The following ZNF394 variants were observed in gnomAD, a reference collection of about 807,000 sequenced individuals.
ZNF394 encodes the protein zinc finger protein 394, also known as zinc finger protein 99.
Under a neutral mutation model 21.8 loss-of-function variants are expected in ZNF394, and 19 were observed. The ratio of observed to expected loss-of-function variants is 0.87; its 90% CI spans 0.61 to 1.28. The LOEUF (loss-of-function observed/expected upper bound fraction) is 1.28, where lower values mean the gene tolerates loss of function less well. Ranked by LOEUF, ZNF394 falls within the 50% of genes most tolerant of loss-of-function variation. ZNF394 has a pLI of 0.00. For missense variants in ZNF394, 683 were observed against 708.6 expected, an observed-to-expected ratio of 0.96 and a Z score of 0.41; for synonymous variants, 294 against 273.3, an observed-to-expected ratio of 1.08 and a Z score of -0.75.
In ZNF394 at chr7:99,498,703, C is replaced by CA; in HGVS notation, c.583+12dup. On this transcript the variant is annotated intron_variant, in intron 2 of 2. Transcript: ENST00000337673. The stretch of plus-strand genomic sequence containing the variant: ...CACACACCGCAATAAACCAGCAGAG[C>CA]AACAGCACTCACTCGGCGGAACTGT... 6.2e-7 allele frequency: 1 copy of CA among 1,613,864 alleles called. No individual in the cohort carries two copies. The highest frequency in any genetic ancestry group is 1.7e-4 in the Middle Eastern group (1 of 6,060).
In ZNF394 at chr7:99,500,079, C is replaced by G. The variant is rs1333730472; in HGVS notation, c.15G>C (p.Leu5Phe). 2 of 1,560,958 alleles carry G rather than the reference C, an allele frequency of 1.3e-6. No homozygotes were observed. Among genetic ancestry groups the G allele is most frequent in the East Asian group, 2.2e-5 (1 of 44,510 alleles). MNSS[L>F]TAQRRGSDAE... ...CGTCACTGCCGCGCCTCTGGGCGGT[C>G]AAGCTGGAATTCATCTTTCTCCGGC... Residue 5 changes from leucine to phenylalanine, a missense_variant, in exon 1 of 3, where the codon TTG becomes TTC. Coordinates refer to ENST00000337673, the MANE Select transcript of ZNF394 (RefSeq NM_032164.4).
chr7:99,486,952 A>C, exon 2 of ZNF394: 1 of 1,614,198 alleles, frequency 6.2e-7, no homozygotes, highest in Non-Finnish European at 8.5e-7. Flanking sequence ...TACGGTCCAT[A>C]AACAGTGTCA....
chr7:99,498,771 C>T lies in ZNF394; in HGVS notation c.528G>A (p.Arg176=), dbSNP rs548843697. The change falls in exon 2 of 3, where the codon CGG becomes CGA. Residue 176 remains arginine (R), a synonymous_variant. Transcript: ENST00000337673. ...GCGCACTCTCTCTGCAGAAGTCCCT[C>T]CGTGCTGGGTCCAGGCGCTCCCACT... ...WEEWERLDPA[R]RDFCRESAQK... The T allele has an allele frequency of 1.9e-6, 3 of 1,614,152 alleles. No individual in the cohort carries two copies. Among genetic ancestry groups the T allele is most frequent in the East Asian group, 2.2e-5 (1 of 44,878 alleles).
chr7:99,491,136 GCAGA>G (rs1800153621), downstream of ZNF394, among the ~76,000 whole-genome samples: 1 of 152,142 alleles, frequency 6.6e-6, no homozygotes, highest in Non-Finnish European at 1.5e-5. Flanking sequence ...GTGGAGCTGA[GCAGA>G]CACTCTCTTC....
chr7:99,497,122 G>GTGTATATATATATATATATA (rs1322382800), intron 2 of ZNF394, among the ~76,000 whole-genome samples: 1 of 79,464 alleles, frequency 1.3e-5, no homozygotes, highest in African/African-American at 7.4e-5. Flanking sequence ...GTGTGTGTGT[G>GTGTATATATATATATATATA]TATATATATA....
In ZNF394 at chr7:99,498,708, G is replaced by A; in HGVS notation, c.583+8C>T. On this transcript the variant is annotated splice_region_variant and intron_variant, in intron 2 of 2. Coordinates refer to ENST00000337673, the MANE Select transcript of ZNF394 (RefSeq NM_032164.4). ...ACCGCAATAAACCAGCAGAGCAACA[G>A]CACTCACTCGGCGGAACTGTGCTCC... 1.2e-6 allele frequency: 2 copies of A among 1,613,866 alleles called. No individual in the cohort carries two copies. The highest frequency in any genetic ancestry group is 1.7e-6 in the Non-Finnish European group (2 of 1,179,864).
intron 1 of ZNF394, chr7:99,486,999 A>G (rs1429765709): frequency 1.9e-6 from 3 of 1,614,172 alleles, no homozygotes; most frequent in Admixed American, 1.7e-5. Flanking sequence ...ATGACTGTGG[A>G]AAGTGTTTTC....
Position 99,497,130 on chromosome 7 carries a change from A to G in ZNF394, c.583+1586T>C, listed in dbSNP as rs1380811549. Reference sequence around the variant, plus strand: ...TGTGTGTGTGTGTGTGTGTATATATATATATATATATGTATATATATATAT... The same window carrying G: ...TGTGTGTGTGTGTGTGTGTATATATGTATATATATATGTATATATATATAT... On this transcript the variant is annotated intron_variant, in intron 2 of 2. Transcript: ENST00000337673. 3.0e-3 allele frequency among the ~76,000 whole-genome samples: 369 copies of G among 123,556 alleles called. 2 individuals carry two copies. Among genetic ancestry groups the G allele is most frequent in the African/African-American group, 0.015 (345 of 23,154 alleles). 81.1% of individuals were successfully genotyped at this position (123,556 alleles called of 152,430 possible).
At chr7:99,487,422 ATCTT>A in intron 1 of ZNF394, 2 of 1,614,202 alleles carry the variant, frequency 1.2e-6, no homozygotes, top group Non-Finnish European at 8.5e-7. Flanking sequence ...TATGTGGAAA[ATCTT>A]TCAAGTGGCA....
In ZNF394 at chr7:99,494,019, G is replaced by A; in HGVS notation, c.1196C>T (p.Ala399Val). ...QECGKSFSQS[A>V]ALTKHQRTHT... is the part of the protein sequence containing the mutation. ...TGTCCTCTGGTGCTTGGTCAGGGCAGCACTCTGGCTGAAGCTTTTCCCACA... is the reference window on the plus strand; with the variant it reads ...TGTCCTCTGGTGCTTGGTCAGGGCAACACTCTGGCTGAAGCTTTTCCCACA... The change falls in exon 3 of 3, where the codon GCT becomes GTT. Residue 399 changes from alanine (A) to valine (V), a missense_variant. Ala to Val is a moderately conservative substitution (Grantham distance 64). Around this residue, in one of 3 missense-constraint regions of ZNF394, gnomAD observed 274 missense variants for 314.1 expected, o/e 0.87. Transcript: ENST00000337673. The A allele has an allele frequency of 6.2e-7, 1 of 1,614,162 alleles. No individual in the cohort carries two copies. The highest frequency in any genetic ancestry group is 8.5e-7 in the Non-Finnish European group (1 of 1,180,042).
At chr7:99,495,234 C>T (rs1055680070) in intron 2 of ZNF394, among the ~76,000 whole-genome samples, 1 of 152,122 alleles carries the variant, frequency 6.6e-6, no homozygotes, top group African/African-American at 2.4e-5. Flanking sequence ...GTCTTGAACT[C>T]CTGACCTCGT....
chr7:99,499,781 C>A lies in ZNF394; in HGVS notation c.313G>T (p.Glu105Ter). ...PELLSKEQIL[E>*]LLVLEQFLTI... ...AGGAACTGCTCCAGCACCAGCAGCT[C>A]CAGGATCTGCTCCTTGGAGAGCAGC... The change falls in exon 1 of 3, where the codon GAG becomes TAG. Residue 105 changes from glutamate (E) to a stop codon, truncating the protein, a stop_gained. Coordinates refer to ENST00000337673, the MANE Select transcript of ZNF394 (RefSeq NM_032164.4). LOFTEE classifies it high-confidence loss of function. 6.2e-7 allele frequency: 1 copy of A among 1,614,202 alleles called. No homozygotes were observed. The highest frequency in any genetic ancestry group is 8.5e-7 in the Non-Finnish European group (1 of 1,180,046).
chr7:99,498,609 A>T (rs1800409591), intron 2 of ZNF394, 107 bp downstream of exon 2: 2 of 1,523,422 alleles, frequency 1.3e-6, no homozygotes, highest in Non-Finnish European at 1.8e-6. Context: ...AGGCACCTGA[A>T]GGCTCTCAGC....
rs538381833 is a variant in ZNF394 at position 99,499,893 on chromosome 7, A to G, written c.201T>C (p.Phe67=). The change falls in exon 1 of 3, where the codon TTT becomes TTC. Residue 67 remains phenylalanine, a synonymous_variant. Transcript: ENST00000337673. ...CCACCTCCTGGTAACGCAGCTGCCT[A>G]AAGTGCAGTCGAGAAGTTTCGGGGT... The part of the protein sequence containing the change: ...SPDPETSRLH[F]RQLRYQEVAG... 6.2e-6 allele frequency: 10 copies of G among 1,614,138 alleles called. No individual in the cohort carries two copies. The East Asian group carries it at 8.9e-5, about 14-fold the overall frequency.
At chr7:99,498,652 T>C (rs914129198) in intron 2 of ZNF394, 64 bp downstream of exon 2, 5 of 1,606,050 alleles carry the variant, frequency 3.1e-6, no homozygotes, top group Non-Finnish European at 4.3e-6. Context: ...GGCTCAGGGA[T>C]GGTAGTGAAC....
At position 99,500,218 on chromosome 7, in the gene ZNF394, C is replaced by G. The variant is rs114235151; in HGVS notation, c.-125G>C. 3,267 of 838,346 alleles carry G rather than the reference C, an allele frequency of 3.9e-3. 69 individuals carry two copies. In the African/African-American group the frequency reaches 0.051, roughly 13 times the overall value. 51.9% of individuals were successfully genotyped at this position (838,346 alleles called of 1,614,324 possible). On this transcript the variant is annotated 5_prime_UTR_variant, in exon 1 of 3. Transcript: ENST00000337673. ...ACACCGGGCCCCACCACACCAGGCC[C>G]CTCTCCACACTCTCCTTTCCTCAGC...
At chr7:99,497,756 G>C (rs572730095) in intron 2 of ZNF394, 1 of 151,990 alleles carries the variant, frequency 6.6e-6, no homozygotes, top group East Asian at 1.9e-4. Flanking sequence ...CCAGCTCCTC[G>C]GGAGACAGAG....
At chr7:99,494,722 C>T (rs1043287509) in intron 2 of ZNF394, 91 bp from the exon 3 acceptor site, 12 of 1,424,666 alleles carry the variant, frequency 8.4e-6, no homozygotes, top group African/African-American at 1.6e-5. Context: ...CCTCAAACCC[C>T]TTTTACTTTT....
rs1016571293 is a variant in ZNF394 at position 99,498,425 on chromosome 7, C to T, written c.583+291G>A. Reference sequence around the variant, plus strand: ...CACCTACAGCTGTAACATACTATTTCCTTGGCAATATGGCCAAGTATTAAG... The same window carrying T: ...CACCTACAGCTGTAACATACTATTTTCTTGGCAATATGGCCAAGTATTAAG... On this transcript the variant is annotated intron_variant, in intron 2 of 2. Coordinates refer to ENST00000337673, the MANE Select transcript of ZNF394 (RefSeq NM_032164.4). 3.8e-5 allele frequency: 11 copies of T among 289,414 alleles called. No homozygotes were observed. In the South Asian group the frequency reaches 3.9e-4, roughly 10 times the overall value. 17.9% of individuals were successfully genotyped at this position (289,414 alleles called of 1,614,324 possible). A position where few individuals can be genotyped will look rare whatever the true frequency, so the allele number is the denominator to read the frequency against.
Sources: allele counts gnomAD v4.1 joint callset (sites outside exome capture counted in the v4.1 genomes callset), GRCh38; gene constraint gnomAD v4.1.1; regional missense constraint gnomAD v4.1.1; transcripts MANE v1.5; gene names NCBI Gene and HGNC (gene_info 2026-07-23, HGNC 2026-07-21).